RARB: variants seen among roughly 807,000 people sequenced by gnomAD.
RARB encodes the protein HBV-activated protein.
In RARB, 17 loss-of-function variants were observed where a neutral mutation model predicts 51.9. That is an observed-to-expected ratio of 0.33 (90% CI 0.22 to 0.49). The LOEUF is 0.49. Ranked by LOEUF, RARB falls within the 20% of genes least tolerant of loss-of-function variation. RARB has a pLI of 0.99. For missense variants in RARB, 369 were observed against 550.8 expected (o/e 0.67, Z 3.30); for synonymous variants, 215 against 195.4 (o/e 1.10, Z -0.84).
At chr3:24,870,457 G>T (rs1702925436) in intron 2 of RARB, among the ~76,000 whole-genome samples, 2 of 151,866 alleles carry the variant, frequency 1.3e-5, no homozygotes, top group Admixed American at 1.3e-4. Flanking sequence ...ATTTTTCTGG[G>T]CTCTTAGTTA....
chr3:25,036,005 A>G (rs1697984833), intron 2 of RARB, among the ~76,000 whole-genome samples: 1 of 152,176 alleles, frequency 6.6e-6, no homozygotes, highest in Non-Finnish European at 1.5e-5. Flanking sequence ...ACTGTAGGAA[A>G]TTGCTGTTTT....
At chr3:24,883,412 A>G (rs574172251) in intron 2 of RARB, among the ~76,000 whole-genome samples, 3 of 148,918 alleles carry the variant, frequency 2.0e-5, no homozygotes, top group African/African-American at 4.9e-5. Flanking sequence ...CACTAAAGGA[A>G]TATTTTTAAA....
intron 3 of RARB, among the ~76,000 whole-genome samples, chr3:25,532,253 CTTA>C (rs1698961502): frequency 6.6e-6 from 1 of 152,106 alleles, no homozygotes; most frequent in Non-Finnish European, 1.5e-5. Flanking sequence ...CCCTAAACCC[CTTA>C]TTATGGCTTC....
chr3:25,215,019 G>A (rs1471131968), intron 5 of RARB, among the ~76,000 whole-genome samples: 2 of 152,174 alleles, frequency 1.3e-5, no homozygotes, highest in Non-Finnish European at 2.9e-5. Context: ...AGTACCAGGT[G>A]GAAAATCGAT....
chr3:24,880,958 C>G (rs943528232), intron 2 of RARB, among the ~76,000 whole-genome samples: 3 of 152,188 alleles, frequency 2.0e-5, no homozygotes, highest in Admixed American at 1.3e-4. Flanking sequence ...TGGTTTGGCT[C>G]TGTGTCCCCA....
At chr3:25,187,046 G>A (rs1445793004) in intron 5 of RARB, among the ~76,000 whole-genome samples, 1 of 151,874 alleles carries the variant, frequency 6.6e-6, no homozygotes, top group African/African-American at 2.4e-5. Context: ...CTCAAAACCA[G>A]TTTGCTTAGA....
rs375389814 is a variant in RARB, at chr3:25,594,134, C to G, written c.992-386C>G. On this transcript the variant is annotated intron_variant, in intron 6 of 7. Transcript: ENST00000330688. ...TTTAGCTTTCTTCTTTGTAGTGACCCCTACTGGCCTATAGGAGGCTGAATC... is the reference window on the plus strand; with the variant it reads ...TTTAGCTTTCTTCTTTGTAGTGACCGCTACTGGCCTATAGGAGGCTGAATC... 3.9e-5 allele frequency among the ~76,000 whole-genome samples: 6 copies of G among 152,198 alleles called. No individual in the cohort carries two copies. In the East Asian group the frequency reaches 7.7e-4, roughly 20 times the overall value.
chr3:25,540,870 T>C (rs1028461709), intron 3 of RARB, among the ~76,000 whole-genome samples: 16 of 142,710 alleles, frequency 1.1e-4, no homozygotes, highest in African/African-American at 4.5e-4. Context: ...ATTCAGGTCA[T>C]GGTGGGGGCT....
At chr3:24,892,100 C>A (rs1276316373) in intron 2 of RARB, among the ~76,000 whole-genome samples, 1 of 151,816 alleles carries the variant, frequency 6.6e-6, no homozygotes, top group Non-Finnish European at 1.5e-5. Context: ...TGCATATCAG[C>A]AGGGAGTGTT....
chr3:24,998,277 GTTTT>G (rs71622792), intron 2 of RARB, among the ~76,000 whole-genome samples: 1 of 140,482 alleles, frequency 7.1e-6, no homozygotes. Context: ...CTTGTAGTTT[GTTTT>G]TTTTTTTTTC....
At position 25,407,758 on chromosome 3, in the gene RARB, CTTT is replaced by C. The variant is rs11293787; in HGVS notation, c.179-53424_179-53422del. On this transcript the variant is annotated intron_variant, in intron 5 of 11. Coordinates refer to the RARB transcript ENST00000383772. ...ATACTTTCAGTTCTCTGCATGAAGG[CTTT>C]TTTTTTTTTTCCTGGCCATGAGAAC... Among the ~76,000 whole-genome samples, 6 of 147,014 alleles carry C rather than the reference CTTT, an allele frequency of 4.1e-5. No individual in the cohort carries two copies. The East Asian group carries it at 6.0e-4, about 15-fold the overall frequency.
intron 5 of RARB, among the ~76,000 whole-genome samples, chr3:25,361,738 C>T (rs776665108): frequency 4.6e-5 from 7 of 152,228 alleles, no homozygotes; most frequent in Non-Finnish European, 7.3e-5. Context: ...AGTCGGTCCC[C>T]TCTTCTGCAG....
At chr3:24,933,547 G>T (rs1187766807) in intron 2 of RARB, among the ~76,000 whole-genome samples, 1 of 152,052 alleles carries the variant, frequency 6.6e-6, no homozygotes, top group Non-Finnish European at 1.5e-5. Context: ...CTCCAGGCAG[G>T]AGACGCAGTA....
chr3:25,083,647 T>G (rs1394213200), intron 3 of RARB, among the ~76,000 whole-genome samples: 1 of 152,228 alleles, frequency 6.6e-6, no homozygotes, highest in East Asian at 1.9e-4. Flanking sequence ...GTATTCTGTT[T>G]TGTTTCTCAT....
At chr3:25,084,534 A>G (rs1699070101) in intron 3 of RARB, among the ~76,000 whole-genome samples, 1 of 33,242 alleles carries the variant, frequency 3.0e-5, no homozygotes. Flanking sequence ...GATTCTTTAC[A>G]CATCATTAAT....
intron 5 of RARB, among the ~76,000 whole-genome samples, chr3:25,181,607 C>G (rs144392126): frequency 7.9e-4 from 120 of 152,266 alleles, no homozygotes; most frequent in Middle Eastern, 3.4e-3. Context: ...CATGACTTTC[C>G]GATGTCCCAC....
intron 2 of RARB, among the ~76,000 whole-genome samples, chr3:25,499,701 A>G (rs1297489005): frequency 1.3e-5 from 2 of 152,228 alleles, no homozygotes; most frequent in Admixed American, 1.3e-4. Flanking sequence ...TAACTCATTG[A>G]TGAAGGGAAT....
intron 2 of RARB, among the ~76,000 whole-genome samples, chr3:24,865,252 T>C (rs1702825288): frequency 6.6e-6 from 1 of 152,134 alleles, no homozygotes; most frequent in Admixed American, 6.6e-5. Flanking sequence ...TACGGAAATT[T>C]ACGTGCACTC....
At chr3:25,376,013 A>C (rs1206273535) in intron 5 of RARB, among the ~76,000 whole-genome samples, 8 of 152,222 alleles carry the variant, frequency 5.3e-5, no homozygotes, top group Non-Finnish European at 1.5e-5. Context: ...GGAGTAAATG[A>C]GCTAATACAC....
Sources: allele counts gnomAD v4.1 joint callset (sites outside exome capture counted in the v4.1 genomes callset), GRCh38; gene constraint gnomAD v4.1.1; transcripts MANE v1.5; gene names NCBI Gene and HGNC (gene_info 2026-07-23, HGNC 2026-07-21).